MKLN1: variants seen among roughly 807,000 people sequenced by gnomAD.
The protein encoded by MKLN1 is muskelin 1.
Under a neutral mutation model 99.0 loss-of-function variants are expected in MKLN1, and 18 were observed. That is an observed-to-expected ratio of 0.18 (90% CI 0.13 to 0.27). The LOEUF (loss-of-function observed/expected upper bound fraction) is 0.27. MKLN1 is among the 10% of genes least tolerant of loss of function. The probability of loss-of-function intolerance (pLI) is 1.00; values close to 1 mark genes in which losing one functional copy is unlikely to be tolerated. For synonymous variants in MKLN1, 288 were observed against 293.2 expected (o/e 0.98, Z 0.18); for missense variants, 621 against 875.9 (o/e 0.71, Z 3.67).
upstream of MKLN1, among the ~76,000 whole-genome samples, chr7:131,323,050 G>A (rs74734490): frequency 6.6e-6 from 1 of 152,252 alleles, no homozygotes; most frequent in Non-Finnish European, 1.5e-5. Context: ...ATATCACAGT[G>A]TCATTCACTA....
chr7:131,183,729 T>C (rs1265439212), intron 2 of MKLN1, among the ~76,000 whole-genome samples: 1 of 152,220 alleles, frequency 6.6e-6, no homozygotes, highest in Admixed American at 6.5e-5. Context: ...AGGCAATCAA[T>C]GTTTTCCTAG....
chr7:131,388,960 T>C lies in MKLN1; in HGVS notation c.388T>C (p.Phe130Leu), dbSNP rs1410913470. The C allele has an allele frequency of 1.3e-6, 2 of 1,599,674 alleles. No homozygotes were observed. The highest frequency in any genetic ancestry group is 2.7e-5 in the African/African-American group (2 of 74,426). ...KIDEQMFPCR[F>L]IKIVPLLSWG... is the part of the protein sequence containing the mutation. ...TGATGAACAGATGTTCCCTTGTCGA[T>C]TCATTAAAATAGGTAAGATTTTAGC... is the stretch of plus-strand genomic sequence containing the variant. The change falls in exon 4 of 18, where the codon TTC (phenylalanine) becomes CTC (leucine). Residue 130 changes from phenylalanine (F) to leucine (L), a missense_variant. This residue lies in a region of MKLN1 where 361 missense variants were observed against 540.8 expected (regional missense o/e 0.67). Coordinates refer to ENST00000352689, the MANE Select transcript of MKLN1 (RefSeq NM_013255.5).
At chr7:131,195,819 C>T (rs536678608) in intron 2 of MKLN1, among the ~76,000 whole-genome samples, 13 of 151,938 alleles carry the variant, frequency 8.6e-5, no homozygotes, top group Non-Finnish European at 1.3e-4. Flanking sequence ...AGCATGGCAG[C>T]GCGTGCCTGT....
intron 9 of MKLN1, among the ~76,000 whole-genome samples, chr7:131,432,226 A>G (rs1289734762): frequency 6.6e-6 from 1 of 152,136 alleles, no homozygotes; most frequent in Non-Finnish European, 1.5e-5. Flanking sequence ...TACTAGAGAA[A>G]AGGGAACGAT....
chr7:131,478,519 C>A, intron 16 of MKLN1, 104 bp from the exon 17 acceptor site: 1 of 1,156,042 alleles, frequency 8.7e-7, no homozygotes, highest in Non-Finnish European at 1.2e-6. Context: ...TGCAGAAATA[C>A]GTAGTTGCTG....
chr7:131,170,738 G>T lies in MKLN1; in HGVS notation c.-297+27797G>T, dbSNP rs1344226157. On this transcript the variant is annotated intron_variant, in intron 2 of 7. Transcript: ENST00000416992. ...GAAAAGTTTTTGCCTGGGGTCTCTG[G>T]CTTCTCACAAAGTTGCTGCACTTCT... 2.0e-5 allele frequency among the ~76,000 whole-genome samples: 3 copies of T among 152,246 alleles called. No individual in the cohort carries two copies. The East Asian group carries it at 5.8e-4, about 29-fold the overall frequency.
intron 6 of MKLN1, among the ~76,000 whole-genome samples, chr7:131,404,127 CA>C (rs1166106073): frequency 6.6e-6 from 1 of 152,086 alleles, no homozygotes; most frequent in Non-Finnish European, 1.5e-5. Context: ...AGTATTTTTG[CA>C]TATATTTGTG....
intron 3 of MKLN1, among the ~76,000 whole-genome samples, chr7:131,284,819 C>A (rs1327600666): frequency 6.6e-6 from 1 of 152,140 alleles, no homozygotes; most frequent in Non-Finnish European, 1.5e-5. Flanking sequence ...TTTTTCAAAG[C>A]CCTGAGGAAT....
At chr7:131,163,543 T>C (rs2116318568) in intron 2 of MKLN1, among the ~76,000 whole-genome samples, 1 of 152,296 alleles carries the variant, frequency 6.6e-6, no homozygotes, top group East Asian at 1.9e-4. Context: ...AGGGTTTTAA[T>C]TTCATCCCAT....
chr7:131,374,422 C>G (rs1314970742), intron 1 of MKLN1, among the ~76,000 whole-genome samples: 1 of 152,140 alleles, frequency 6.6e-6, no homozygotes, highest in Non-Finnish European at 1.5e-5. Flanking sequence ...CAAGTTTGCA[C>G]TGATGTCACT....
At chr7:131,268,045 C>T (rs1797834232) in intron 3 of MKLN1, among the ~76,000 whole-genome samples, 1 of 152,138 alleles carries the variant, frequency 6.6e-6, no homozygotes, top group South Asian at 2.1e-4. Context: ...GTGGTATTGA[C>T]TAGACTCCAA....
intron 1 of MKLN1, among the ~76,000 whole-genome samples, chr7:131,368,653 C>G (rs35667343): frequency 4.6e-5 from 7 of 152,096 alleles, no homozygotes; most frequent in Non-Finnish European, 1.0e-4. Context: ...ATTCGCCCCC[C>G]CATGATCCAA....
rs1797328065 is a variant in MKLN1 at position 131,487,917 on chromosome 7, A to G, written c.*189A>G. On this transcript the variant is annotated 3_prime_UTR_variant, in exon 18 of 18. Coordinates refer to ENST00000352689, the MANE Select transcript of MKLN1 (RefSeq NM_013255.5). The surrounding 1 kb of genome is among the most constrained non-coding windows in gnomAD (Gnocchi z 4.7). The stretch of plus-strand genomic sequence containing the variant: ...ACCTCAACCCCGCTCTCCTCATCCT[A>G]TTCCTAAATTAGGCTAATAAAGTGA... 5.1e-6 allele frequency: 2 copies of G among 395,754 alleles called. No individual in the cohort carries two copies. The highest frequency in any genetic ancestry group is 8.7e-6 in the Non-Finnish European group (2 of 230,466). The allele number at this position is 395,754 out of a possible 1,614,324, so 24.5% of individuals were successfully genotyped here.
At chr7:131,480,930 A>C (rs1438972462) in intron 17 of MKLN1, among the ~76,000 whole-genome samples, 1 of 152,218 alleles carries the variant, frequency 6.6e-6, no homozygotes, top group Non-Finnish European at 1.5e-5. Flanking sequence ...ATTTAAATAT[A>C]TCAATTAGGG....
chr7:131,202,118 C>T (rs749078664), intron 2 of MKLN1, among the ~76,000 whole-genome samples: 2 of 124,928 alleles, frequency 1.6e-5, no homozygotes. Context: ...ATATCTTTTT[C>T]GGGGTTTCTC....
chr7:131,186,082 T>G (rs1421501327), intron 2 of MKLN1, among the ~76,000 whole-genome samples: 2 of 151,778 alleles, frequency 1.3e-5, no homozygotes, highest in Non-Finnish European at 2.9e-5. Flanking sequence ...ATCCCAGCTA[T>G]CAGGAGACTG....
intron 6 of MKLN1, among the ~76,000 whole-genome samples, chr7:131,401,680 G>A (rs934183609): frequency 6.6e-6 from 1 of 152,060 alleles, no homozygotes; most frequent in African/African-American, 2.4e-5. Context: ...GATATTGCAG[G>A]TTTGGTTCCA....
chr7:131,201,480 A>G (rs1279109349), intron 2 of MKLN1, among the ~76,000 whole-genome samples: 3 of 152,242 alleles, frequency 2.0e-5, no homozygotes, highest in African/African-American at 7.2e-5. Flanking sequence ...TTAGCAGTCT[A>G]TAGTGAAGAA....
At chr7:131,358,425 T>G (rs1285400650) in intron 1 of MKLN1, among the ~76,000 whole-genome samples, 1 of 152,198 alleles carries the variant, frequency 6.6e-6, no homozygotes, top group Non-Finnish European at 1.5e-5. Flanking sequence ...ATTTTTAAAT[T>G]TGATTTGCTA....
Sources: allele counts gnomAD v4.1 joint callset (sites outside exome capture counted in the v4.1 genomes callset), GRCh38; gene constraint gnomAD v4.1.1; regional missense constraint gnomAD v4.1.1; non-coding constraint Gnocchi (gnomAD v3.1); transcripts MANE v1.5; gene names NCBI Gene and HGNC (gene_info 2026-07-23, HGNC 2026-07-21).